Variants in GRK6 observed in about 807,000 individuals in gnomAD.
The protein encoded by GRK6 is G protein-coupled receptor kinase 6.
A neutral mutation model predicts 80.8 loss-of-function variants in GRK6; 37 were observed. The observed-to-expected ratio is 0.46, with a 90% CI of 0.35 to 0.60. The LOEUF (loss-of-function observed/expected upper bound fraction) is 0.60, where lower values mean the gene tolerates loss of function less well. Among genes scored for constraint, GRK6 ranks in the 20% least tolerant of loss-of-function variants. GRK6 has a pLI of 0.00. For missense variants in GRK6, 560 were observed against 784.6 expected (o/e 0.71, Z 3.42); for synonymous variants, 295 against 320.9 (o/e 0.92, Z 0.86).
rs201380273 is a variant in GRK6 at position 177,441,823 on chromosome 5, G to A, written c.*33G>A. On this transcript the variant is annotated 3_prime_UTR_variant, in exon 16 of 16. Coordinates refer to ENST00000355472, the MANE Select transcript of GRK6 (RefSeq NM_001004106.3). ...CCCGAGGCCCCCACCAGCAGTTGGC[G>A]GTAGCAGCTACTCCGAGCGCCGTTT... The A allele has an allele frequency of 7.1e-5, 114 of 1,596,934 alleles. No homozygotes were observed. In the African/African-American group the frequency reaches 1.4e-3, roughly 19 times the overall value.
chr5:177,440,617 G>T, intron 13 of GRK6, 83 bp from the exon 14 acceptor site: 1 of 1,547,420 alleles, frequency 6.5e-7, no homozygotes, highest in South Asian at 1.2e-5. Context: ...ACTAGGCCAA[G>T]ACCCGAGGCA....
intron 5 of GRK6, 47 bp downstream of exon 5, chr5:177,432,853 G>T: frequency 7.2e-7 from 1 of 1,388,808 alleles, no homozygotes; most frequent in South Asian, 1.2e-5. Context: ...CCAGCGGAGG[G>T]GGCTTCTGGG....
intron 15 of GRK6, 77 bp downstream of exon 15, chr5:177,441,130 C>A: frequency 6.4e-7 from 1 of 1,568,598 alleles, no homozygotes; most frequent in East Asian, 2.3e-5. Context: ...AGCCGGTGCC[C>A]GCATGCGCTG....
rs775005733 is a variant in GRK6, at chr5:177,435,002, G to T, written c.968-30G>T. 14 of 1,544,870 alleles carry T rather than the reference G, an allele frequency of 9.1e-6. No individual in the cohort carries two copies. The East Asian group carries it at 1.3e-4, about 15-fold the overall frequency. ...AGATGCAGAGGCCTGGCCTGTTAAC[G>T]GGTCCACCTGTTTCTCCACCCACAC... On this transcript the variant is annotated intron_variant, in intron 10 of 15. Transcript: ENST00000355472.
At chr5:177,437,057 C>T (rs947652134) in intron 13 of GRK6, among the ~76,000 whole-genome samples, 4 of 152,014 alleles carry the variant, frequency 2.6e-5, no homozygotes, top group South Asian at 2.1e-4. Flanking sequence ...CAGGTTCAAG[C>T]GATTCTCCTG....
chr5:177,430,636 C>T (rs535540599), intron 1 of GRK6: 9 of 557,152 alleles, frequency 1.6e-5, no homozygotes, highest in Admixed American at 6.4e-5. Flanking sequence ...ACTGTCCTCC[C>T]GCAGCGACCT....
Position 177,437,357 on chromosome 5 carries a change from G to T in GRK6, c.1404+827G>T, listed in dbSNP as rs183795641. On this transcript the variant is annotated intron_variant, in intron 13 of 15. Coordinates refer to ENST00000355472, the MANE Select transcript of GRK6 (RefSeq NM_001004106.3). Reference sequence around the variant, plus strand: ...AGAGGCCCCTCACTGGCCACACCCAGATCATACACCCACCCGAACCTGCAC... The same window carrying T: ...AGAGGCCCCTCACTGGCCACACCCATATCATACACCCACCCGAACCTGCAC... 3.5e-4 allele frequency among the ~76,000 whole-genome samples: 53 copies of T among 152,206 alleles called. No homozygotes were observed. The East Asian group carries it at 8.7e-3, about 25-fold the overall frequency.
chr5:177,429,482 T>A lies in GRK6; in HGVS notation c.53-1390T>A, dbSNP rs1006309155. 6.6e-6 allele frequency among the ~76,000 whole-genome samples: 1 copy of A among 152,136 alleles called. No homozygotes were observed. Among genetic ancestry groups the A allele is most frequent in the African/African-American group, 2.4e-5 (1 of 41,424 alleles). On this transcript the variant is annotated intron_variant, in intron 1 of 15. Coordinates refer to ENST00000355472, the MANE Select transcript of GRK6 (RefSeq NM_001004106.3). This position sits in a 1 kb window ranked among gnomAD's most constrained non-coding sequence, Gnocchi z 4.3. ...GAGGAGTTCCCCTTCTGGGAAGGCC[T>A]TGCCCTGGGTTGAGGGGTGGGTGTC...
rs114409657 is a variant in GRK6, at chr5:177,441,195, C to T, written c.1677+142C>T. On this transcript the variant is annotated intron_variant, in intron 15 of 15. Coordinates refer to ENST00000355472, the MANE Select transcript of GRK6 (RefSeq NM_001004106.3). ...TGCCCAGGGTCTCTGGCCTCATTCC[C>T]GCCTGTCCCCCACCCCTGGCTGGGC... 9.9e-4 allele frequency: 1,457 copies of T among 1,473,150 alleles called. 10 individuals are homozygous for T. The African/African-American group carries it at 0.016, about 17-fold the overall frequency. 91.3% of individuals were successfully genotyped at this position (1,473,150 alleles called of 1,614,324 possible). A position where few individuals can be genotyped will look rare whatever the true frequency, so the allele number is the denominator to read the frequency against.
Position 177,435,040 on chromosome 5 carries a change from C to G in GRK6, c.976C>G (p.Arg326Gly). The change falls in exon 11 of 16, where the codon CGC becomes GGC. Residue 326 changes from arginine (R) to glycine (G), a missense_variant. Physicochemically the swap from Arg to Gly is moderately radical, Grantham distance 125. Around this residue, in one of 3 missense-constraint regions of GRK6, gnomAD observed 294 missense variants for 397.4 expected, o/e 0.74. Transcript: ENST00000355472. Reference protein sequence around the residue: ...NILLDDHGHIRISDLGLAVHV... With the variant: ...NILLDDHGHIGISDLGLAVHV... ...TCTCCACCCACACTCAGGCCACATC[C>G]GCATCTCTGACCTGGGACTAGCTGT... The G allele has an allele frequency of 6.2e-7, 1 of 1,612,928 alleles. No homozygotes were observed. The highest frequency in any genetic ancestry group is 8.5e-7 in the Non-Finnish European group (1 of 1,179,770).
chr5:177,425,735 C>A (rs982910378), upstream of GRK6, among the ~76,000 whole-genome samples: 3 of 152,236 alleles, frequency 2.0e-5, no homozygotes, highest in African/African-American at 7.2e-5. Flanking sequence ...GGATCCGGCT[C>A]TGCCTTACTC....
chr5:177,441,709 T>A (rs752113403), intron 15 of GRK6, 28 bp from the exon 16 acceptor site: 32 of 1,573,686 alleles, frequency 2.0e-5, no homozygotes, highest in Non-Finnish European at 2.7e-5. Flanking sequence ...CCTCTCTCCC[T>A]CCCTCCGTGT....
chr5:177,427,716 G>A (rs1367163364), intron 1 of GRK6, among the ~76,000 whole-genome samples: 1 of 152,162 alleles, frequency 6.6e-6, no homozygotes, highest in Non-Finnish European at 1.5e-5. Flanking sequence ...TCAGTAACAT[G>A]ATCACTGACC....
intron 4 of GRK6, 74 bp downstream of exon 4, chr5:177,432,384 C>CA (rs1320430055): frequency 1.4e-6 from 2 of 1,421,240 alleles, no homozygotes; most frequent in African/African-American, 2.8e-5. Flanking sequence ...ACCACAGTGT[C>CA]AGGCTTCTGA....
chr5:177,440,795 G>A lies in GRK6; in HGVS notation c.1500G>A (p.Gln500=), dbSNP rs775402411. 4.4e-5 allele frequency: 71 copies of A among 1,614,072 alleles called. No individual in the cohort carries two copies. In the Admixed American group the frequency reaches 8.7e-4, roughly 20 times the overall value. Residue 500 remains glutamine (Q), a synonymous_variant, in exon 14 of 16, where the codon CAG becomes CAA. Transcript: ENST00000355472. ...AGCCTACCGACCAGGACTTCTACCAGAAGTTTGCCACAGGCAGTGTGCCCA... is the reference window on the plus strand; with the variant it reads ...AGCCTACCGACCAGGACTTCTACCAAAAGTTTGCCACAGGCAGTGTGCCCA... ...ELEPTDQDFY[Q]KFATGSVPIP...
At chr5:177,425,976 G>A (rs1763637376), upstream of GRK6, among the ~76,000 whole-genome samples, 1 of 152,258 alleles carries the variant, frequency 6.6e-6, no homozygotes, top group African/African-American at 2.4e-5. Context: ...GGCGGCAGAG[G>A]CCGAGGGAAG....
chr5:177,432,250 C>G lies in GRK6; in HGVS notation c.279C>G (p.Thr93=). ...FLDGVAEYEV[T]PDDKRKACGR... ...CCCTGCAGGCCGAGTATGAAGTGAC[C>G]CCGGATGACAAGCGGAAGGCATGTG... The change falls in exon 4 of 16, where the codon ACC becomes ACG. Residue 93 remains threonine (T), a synonymous_variant. Coordinates refer to ENST00000355472, the MANE Select transcript of GRK6 (RefSeq NM_001004106.3). 1 of 1,613,678 alleles carries G rather than the reference C, an allele frequency of 6.2e-7. No homozygotes were observed.
chr5:177,441,339 AAAG>A, intron 15 of GRK6: 1 of 1,521,050 alleles, frequency 6.6e-7, no homozygotes, highest in Middle Eastern at 1.7e-4. Context: ...GATGTGGGAG[AAAG>A]AAGTCTGGTG....
chr5:177,441,874 A>C lies in GRK6; in HGVS notation c.*84A>C. On this transcript the variant is annotated 3_prime_UTR_variant, in exon 16 of 16. Coordinates refer to ENST00000355472, the MANE Select transcript of GRK6 (RefSeq NM_001004106.3). ...ACAGTTTTGCACAGTGATCTTCCCC[A>C]TTGTCCACTCAAGTCGTGGCCTGGG... 1.6e-6 allele frequency: 2 copies of C among 1,235,220 alleles called. No homozygotes were observed. The highest frequency in any genetic ancestry group is 2.4e-6 in the Non-Finnish European group (2 of 845,642). The allele number at this position is 1,235,220 out of a possible 1,614,324, so 76.5% of individuals were successfully genotyped here. A position where few individuals can be genotyped will look rare whatever the true frequency, so the allele number is the denominator to read the frequency against.
Sources: allele counts gnomAD v4.1 joint callset (sites outside exome capture counted in the v4.1 genomes callset), GRCh38; gene constraint gnomAD v4.1.1; regional missense constraint gnomAD v4.1.1; non-coding constraint Gnocchi (gnomAD v3.1); transcripts MANE v1.5; gene names NCBI Gene and HGNC (gene_info 2026-07-23, HGNC 2026-07-21).